Variants in ITGAV observed in about 807,000 individuals in gnomAD.
ITGAV encodes the protein integrin alpha-V.
ITGAV carries 76 observed loss-of-function variants against 143.8 expected under a neutral mutation model. The ratio of observed to expected loss-of-function variants is 0.53; its 90% CI spans 0.44 to 0.64. The LOEUF is 0.64. Ranked by LOEUF, ITGAV falls within the 30% of genes least tolerant of loss-of-function variation. The probability of loss-of-function intolerance (pLI) is 0.00; values close to 1 mark genes in which losing one functional copy is unlikely to be tolerated. For synonymous variants in ITGAV, 453 were observed against 446.7 expected (o/e 1.01, Z -0.18); for missense variants, 1,193 against 1,274.7 (o/e 0.94, Z 0.98).
intron 2 of ITGAV, among the ~76,000 whole-genome samples, chr2:186,622,000 G>A (rs1441208689): frequency 1.3e-5 from 2 of 152,090 alleles, no homozygotes; most frequent in Non-Finnish European, 2.9e-5. Context: ...CCCACCGAAA[G>A]ATCTTCTGGG....
intron 17 of ITGAV, among the ~76,000 whole-genome samples, chr2:186,658,322 T>G (rs1036288966): frequency 1.3e-5 from 2 of 152,172 alleles, no homozygotes; most frequent in Non-Finnish European, 2.9e-5. Flanking sequence ...AATAGAATCT[T>G]ACATTTAAAC....
At chr2:186,611,910 T>C (rs901220825) in intron 2 of ITGAV, among the ~76,000 whole-genome samples, 2 of 152,098 alleles carry the variant, frequency 1.3e-5, no homozygotes, top group Non-Finnish European at 2.9e-5. Flanking sequence ...ATATCTGATT[T>C]TTTTTAAAAA....
intron 25 of ITGAV, 49 bp from the exon 26 acceptor site, chr2:186,669,652 A>G: frequency 7.8e-7 from 1 of 1,285,212 alleles, no homozygotes; most frequent in Admixed American, 2.0e-5. Context: ...CTGATGTAAA[A>G]TGTTTTTCAT....
rs921281146 is a variant in ITGAV, at chr2:186,678,206, A to G, written c.*914A>G. On this transcript the variant is annotated 3_prime_UTR_variant, in exon 30 of 30. Transcript: ENST00000261023. ...AGTTCTTTGAGATAGTTGCTTATGC[A>G]TATAGTAAGTATTACATTCTTAGAG... 2 of 139,678 alleles carry G rather than the reference A, an allele frequency of 1.4e-5. No homozygotes were observed. The highest frequency in any genetic ancestry group is 2.6e-5 in the African/African-American group (1 of 39,162). 8.7% of individuals were successfully genotyped at this position (139,678 alleles called of 1,614,324 possible).
intron 2 of ITGAV, among the ~76,000 whole-genome samples, chr2:186,618,167 G>T (rs1182632598): frequency 6.6e-6 from 1 of 152,136 alleles, no homozygotes; most frequent in African/African-American, 2.4e-5. Context: ...TTGAATCAAA[G>T]ATTTTAAGAC....
At chr2:186,594,425 A>G (rs1453687975) in intron 1 of ITGAV, among the ~76,000 whole-genome samples, 3 of 152,174 alleles carry the variant, frequency 2.0e-5, no homozygotes, top group Non-Finnish European at 4.4e-5. Flanking sequence ...GCTCCTAGAA[A>G]TTCTTCCTTT....
chr2:186,669,057 C>T, intron 25 of ITGAV, 137 bp downstream of exon 25: 1 of 676,774 alleles, frequency 1.5e-6, no homozygotes, highest in Non-Finnish European at 2.4e-6. Context: ...AGTTCATAAG[C>T]AGTACACTTA....
intron 2 of ITGAV, among the ~76,000 whole-genome samples, chr2:186,604,355 A>G (rs1686998606): frequency 1.3e-5 from 2 of 152,180 alleles, no homozygotes; most frequent in South Asian, 4.1e-4. Flanking sequence ...TTTGTAAATC[A>G]CTGATACTAT....
rs1688004546 is a variant in ITGAV, at chr2:186,638,353, C to A, written c.846+33C>A. The A allele has an allele frequency of 2.5e-6, 4 of 1,609,884 alleles. No homozygotes were observed. In the East Asian group the frequency reaches 8.9e-5, roughly 36 times the overall value. On this transcript the variant is annotated intron_variant, in intron 9 of 29. Transcript: ENST00000261023. ...AGTTAAAAGGTATTTTTTAAAAAATCTCTAAGTTATCTTCTATTTTACCAG... is the reference window on the plus strand; with the variant it reads ...AGTTAAAAGGTATTTTTTAAAAAATATCTAAGTTATCTTCTATTTTACCAG...
In ITGAV at chr2:186,590,156, C is replaced by T. The variant is rs1229575731; in HGVS notation, c.-183C>T. The T allele has an allele frequency of 1.5e-5, 7 of 462,296 alleles. No homozygotes were observed. Among genetic ancestry groups the T allele is most frequent in the Non-Finnish European group, 7.2e-6 (2 of 276,968 alleles). 28.6% of individuals were successfully genotyped at this position (462,296 alleles called of 1,614,324 possible). A position where few individuals can be genotyped will look rare whatever the true frequency, so the allele number is the denominator to read the frequency against. On this transcript the variant is annotated 5_prime_UTR_variant, in exon 1 of 30. Coordinates refer to ENST00000261023, the MANE Select transcript of ITGAV (RefSeq NM_002210.5). Reference sequence around the variant, plus strand: ...CCCCGCGCGCTCTGCGCCCCTCGTCCCTGGCGGTCGCTCCGAAGCTCAGCC... The same window carrying T: ...CCCCGCGCGCTCTGCGCCCCTCGTCTCTGGCGGTCGCTCCGAAGCTCAGCC...
At position 186,675,684 on chromosome 2, in the gene ITGAV, A is replaced by C; in HGVS notation, c.2787A>C (p.Val929=). 1 of 1,613,882 alleles carries C rather than the reference A, an allele frequency of 6.2e-7. No homozygotes were observed. Among genetic ancestry groups the C allele is most frequent in the Non-Finnish European group, 8.5e-7 (1 of 1,179,774 alleles). ...LDRGKSAILY[V]KSLLWTETFM... is the part of the protein sequence containing the mutation. ...GAGGAAAGAGTGCAATCTTGTACGT[A>C]AAGTCATTACTGTGGACTGAGACTT... The change falls in exon 27 of 30, where the codon GTA becomes GTC. Residue 929 remains valine (V), a synonymous_variant. Transcript: ENST00000261023.
chr2:186,632,439 A>G (rs1190816666), intron 5 of ITGAV, among the ~76,000 whole-genome samples: 1 of 152,100 alleles, frequency 6.6e-6, no homozygotes, highest in East Asian at 1.9e-4. Flanking sequence ...TAGCCAAGGC[A>G]AAAGATTGTC....
At chr2:186,597,317 A>G (rs1302662004) in intron 1 of ITGAV, among the ~76,000 whole-genome samples, 1 of 152,220 alleles carries the variant, frequency 6.6e-6, no homozygotes, top group Non-Finnish European at 1.5e-5. Flanking sequence ...TTAAGTAGAG[A>G]TGTTACACAA....
intron 13 of ITGAV, among the ~76,000 whole-genome samples, chr2:186,649,393 G>A: frequency 6.6e-6 from 1 of 151,796 alleles, no homozygotes; most frequent in East Asian, 1.9e-4. Flanking sequence ...TGTGGCATAT[G>A]AAAACTAATG....
intron 1 of ITGAV, among the ~76,000 whole-genome samples, chr2:186,597,153 T>G (rs1686769602): frequency 1.3e-5 from 2 of 152,208 alleles, no homozygotes. Context: ...TTCAAGGAAC[T>G]CATGCTATGT....
chr2:186,643,188 A>G (rs1688156575), intron 12 of ITGAV, among the ~76,000 whole-genome samples: 1 of 152,128 alleles, frequency 6.6e-6, no homozygotes, highest in African/African-American at 2.4e-5. Context: ...AAGTTTTCTC[A>G]TTACTGTGAT....
intron 5 of ITGAV, 150 bp downstream of exon 5, chr2:186,631,008 T>C (rs546583692): frequency 1.8e-4 from 93 of 522,972 alleles, no homozygotes; most frequent in Middle Eastern, 4.9e-4. Context: ...ATTTTGACAT[T>C]CTTTGTCTTA....
chr2:186,628,280 GTTATT>G (rs1272205446), intron 4 of ITGAV, among the ~76,000 whole-genome samples: 1 of 152,180 alleles, frequency 6.6e-6, no homozygotes, highest in Non-Finnish European at 1.5e-5. Context: ...TGTCTTGTGG[GTTATT>G]TTATTTATTT....
intron 18 of ITGAV, among the ~76,000 whole-genome samples, chr2:186,660,321 T>G (rs1449670175): frequency 6.6e-6 from 1 of 152,188 alleles, no homozygotes; most frequent in Non-Finnish European, 1.5e-5. Context: ...GCAGTAATAT[T>G]TGACTTCCTT....
Sources: gnomAD v4.1 joint callset for allele counts (sites outside exome capture counted in the v4.1 genomes callset) on GRCh38, gnomAD v4.1.1 for gene constraint, MANE v1.5 for transcripts, NCBI Gene and HGNC (gene_info 2026-07-23, HGNC 2026-07-21) for gene names.